CREB3L1: variants seen among roughly 807,000 people sequenced by gnomAD.
CREB3L1 encodes the protein cyclic AMP-responsive element-binding protein 3-like protein 1.
A neutral mutation model predicts 54.5 loss-of-function variants in CREB3L1; 33 were observed. That is an observed-to-expected ratio of 0.61 (90% CI 0.46 to 0.81). CREB3L1 has a LOEUF of 0.81. Among genes scored for constraint, CREB3L1 ranks in the 30% least tolerant of loss-of-function variants. The pLI is 0.00. For synonymous variants in CREB3L1, 284 were observed against 286.4 expected (o/e 0.99, Z 0.08); for missense variants, 656 against 673.3 (o/e 0.97, Z 0.29).
chr11:46,320,677 G>A, intron 11 of CREB3L1, 33 bp from the exon 12 acceptor site: 1 of 1,603,598 alleles, frequency 6.2e-7, no homozygotes, highest in Non-Finnish European at 8.5e-7. Flanking sequence ...GTTCCTGCTG[G>A]ACAGTCATCG....
Position 46,312,285 on chromosome 11 carries a change from G to A in CREB3L1, c.754-40G>A, listed in dbSNP as rs1399631091. 4 of 1,533,822 alleles carry A rather than the reference G, an allele frequency of 2.6e-6. No individual in the cohort carries two copies. In the East Asian group the frequency reaches 7.3e-5, roughly 28 times the overall value. On this transcript the variant is annotated intron_variant, in intron 5 of 11. Coordinates refer to ENST00000621158, the MANE Select transcript of CREB3L1 (RefSeq NM_052854.4). ...TGGCAGAGCTTGAATTTGAACCCAG[G>A]GCTGCCTGGCTCCTAACTACCACAT...
At position 46,311,119 on chromosome 11, in the gene CREB3L1, C is replaced by T; in HGVS notation, c.683C>T (p.Ser228Phe). 6.2e-7 allele frequency: 1 copy of T among 1,607,606 alleles called. No individual in the cohort carries two copies. Among genetic ancestry groups the T allele is most frequent in the Non-Finnish European group, 8.5e-7 (1 of 1,179,262 alleles). ...GSQSPRSLPPSSPVRPMARSS... is the reference protein window; with the variant it reads ...GSQSPRSLPPFSPVRPMARSS... ...CAGAGTCCCCGCTCTCTGCCCCCCT[C>T]CAGCCCTGTCAGGCCCATGGCGCGC... The change falls in exon 5 of 12, where the codon TCC (serine) becomes TTC (phenylalanine). Residue 228 changes from serine to phenylalanine, a missense_variant. Ser to Phe is a radical substitution (Grantham distance 155). Coordinates refer to ENST00000621158, the MANE Select transcript of CREB3L1 (RefSeq NM_052854.4).
chr11:46,314,908 A>C (rs566180367), intron 8 of CREB3L1, among the ~76,000 whole-genome samples: 9 of 151,066 alleles, frequency 6.0e-5, no homozygotes, highest in Non-Finnish European at 8.9e-5. Flanking sequence ...GGGTTTCACT[A>C]TGTTGGCCAG....
At position 46,295,486 on chromosome 11, in the gene CREB3L1, G is replaced by C. The variant is rs553614509; in HGVS notation, c.103-4449G>C. On this transcript the variant is annotated intron_variant, in intron 1 of 11. Coordinates refer to ENST00000621158, the MANE Select transcript of CREB3L1 (RefSeq NM_052854.4). The surrounding 1 kb of genome is among the most constrained non-coding windows in gnomAD (Gnocchi z 4.6). ...TGAGGGGTTTAGGACACCGTGAGAC[G>C]GCCAGGCCATTTCTGCCTCGGCCCC... 6.6e-6 allele frequency among the ~76,000 whole-genome samples: 1 copy of C among 152,310 alleles called. No individual in the cohort carries two copies. Among genetic ancestry groups the C allele is most frequent in the East Asian group, 1.9e-4 (1 of 5,168 alleles).
chr11:46,299,625 C>G (rs1380668104), intron 1 of CREB3L1, among the ~76,000 whole-genome samples: 1 of 152,196 alleles, frequency 6.6e-6, no homozygotes, highest in Non-Finnish European at 1.5e-5. Flanking sequence ...GTCCTGTTGC[C>G]TGGTCCAGGG....
At chr11:46,305,698 G>GTATATA (rs199845915) in intron 2 of CREB3L1, among the ~76,000 whole-genome samples, 2 of 104,576 alleles carry the variant, frequency 1.9e-5, no homozygotes, top group Admixed American at 9.5e-5. Context: ...ATATGTGTGT[G>GTATATA]TGTGTGTGTG....
intron 8 of CREB3L1, chr11:46,315,103 C>A: frequency 4.6e-6 from 1 of 217,434 alleles, no homozygotes; most frequent in Admixed American, 6.0e-5. Flanking sequence ...ATAACCTAGA[C>A]AACAGCCTTG....
intron 1 of CREB3L1, among the ~76,000 whole-genome samples, chr11:46,292,027 G>A (rs554715908): frequency 2.0e-5 from 3 of 152,244 alleles, no homozygotes; most frequent in African/African-American, 7.2e-5. Flanking sequence ...GGGGCCGAGA[G>A]AGCAGCCCTG....
chr11:46,296,870 C>T lies in CREB3L1; in HGVS notation c.103-3065C>T, dbSNP rs550919698. Among the ~76,000 whole-genome samples the T allele has an allele frequency of 5.6e-4, 86 of 152,288 alleles. 1 individual carries two copies. The highest frequency in any genetic ancestry group is 6.8e-3 in the Middle Eastern group (2 of 294). On this transcript the variant is annotated intron_variant, in intron 1 of 11. Transcript: ENST00000621158. ...GTGGGGACTGCTCACACAATGGGGCCAGCTGAGCTCTCTAAGCAGTTTCCT... is the reference window on the plus strand; with the variant it reads ...GTGGGGACTGCTCACACAATGGGGCTAGCTGAGCTCTCTAAGCAGTTTCCT...
intron 4 of CREB3L1, chr11:46,310,786 G>A (rs935583061): frequency 1.1e-5 from 5 of 458,162 alleles, no homozygotes; most frequent in Admixed American, 4.1e-5. Flanking sequence ...TGCCAAGGGC[G>A]AGCTTGTAAA....
In CREB3L1 at chr11:46,311,126, T is replaced by G. The variant is rs774472916; in HGVS notation, c.690T>G (p.Pro230=). ...CCCGCTCTCTGCCCCCCTCCAGCCC[T>G]GTCAGGCCCATGGCGCGCTCCTCCA... The part of the protein sequence containing the change: ...QSPRSLPPSS[P]VRPMARSSTA... Residue 230 remains proline, a synonymous_variant, in exon 5 of 12, where the codon CCT becomes CCG. Transcript: ENST00000621158. 2.5e-6 allele frequency: 4 copies of G among 1,606,702 alleles called. No individual in the cohort carries two copies. The Admixed American group carries it at 6.7e-5, about 27-fold the overall frequency.
intron 8 of CREB3L1, among the ~76,000 whole-genome samples, chr11:46,314,432 G>A (rs1939535848): frequency 6.6e-6 from 1 of 151,962 alleles, no homozygotes; most frequent in Non-Finnish European, 1.5e-5. Flanking sequence ...TGTTGCCCAT[G>A]CTGGAGCGTA....
rs546162479 is a variant in CREB3L1 at position 46,298,665 on chromosome 11, C to T, written c.103-1270C>T. The stretch of plus-strand genomic sequence containing the variant: ...AGTGAGCCAAAATCATGCCACTGCA[C>T]TCCAGCCTGGGTGACAGAGTGAGAC... On this transcript the variant is annotated intron_variant, in intron 1 of 11. Coordinates refer to ENST00000621158, the MANE Select transcript of CREB3L1 (RefSeq NM_052854.4). Among the ~76,000 whole-genome samples the T allele has an allele frequency of 2.0e-5, 3 of 152,274 alleles. No individual in the cohort carries two copies. The South Asian group carries it at 6.2e-4, about 32-fold the overall frequency.
Position 46,295,737 on chromosome 11 carries a change from TC to T in CREB3L1, c.103-4195del, listed in dbSNP as rs1312153342. Among the ~76,000 whole-genome samples, 5 of 152,282 alleles carry T rather than the reference TC, an allele frequency of 3.3e-5. No homozygotes were observed. Among genetic ancestry groups the T allele is most frequent in the South Asian group, 4.2e-4 (2 of 4,814 alleles). ...TCCGGTGAGGGGCGGCCCCGGGTGT[TC>T]CCGGGTTAACCCTTTGTGGGCCGCT... On this transcript the variant is annotated intron_variant, in intron 1 of 11. Transcript: ENST00000621158. This position sits in a 1 kb window ranked among gnomAD's most constrained non-coding sequence, Gnocchi z 4.6.
intron 3 of CREB3L1, 44 bp downstream of exon 3, chr11:46,308,044 G>T: frequency 6.9e-7 from 1 of 1,448,370 alleles, no homozygotes; most frequent in Non-Finnish European, 9.2e-7. Context: ...AGGGAGGAGG[G>T]CTGGTGGGTC....
chr11:46,320,809 C>T lies in CREB3L1; in HGVS notation c.*63C>T, dbSNP rs778101016. On this transcript the variant is annotated 3_prime_UTR_variant, in exon 12 of 12. Transcript: ENST00000621158. ...TACCCAGAAGAGGAGTTCTTGCTCA[C>T]TAACCCGGATCCGCCTCGTGCCCCT... The T allele has an allele frequency of 1.3e-6, 2 of 1,558,954 alleles. No individual in the cohort carries two copies. The highest frequency in any genetic ancestry group is 1.4e-5 in the African/African-American group (1 of 73,442).
chr11:46,316,947 C>T (rs1939575437), intron 9 of CREB3L1, among the ~76,000 whole-genome samples: 1 of 152,132 alleles, frequency 6.6e-6, no homozygotes, highest in Non-Finnish European at 1.5e-5. Context: ...AGTGTGGGCT[C>T]CGTGGCTCTC....
chr11:46,312,872 G>A lies in CREB3L1; in HGVS notation c.984G>A (p.Glu328=), dbSNP rs1367191650. The A allele has an allele frequency of 1.9e-6, 3 of 1,593,008 alleles. No homozygotes were observed. The highest frequency in any genetic ancestry group is 1.1e-5 in the South Asian group (1 of 87,574). The change falls in exon 8 of 12, where the codon GAG becomes GAA. Residue 328 remains glutamate, a synonymous_variant. Coordinates refer to ENST00000621158, the MANE Select transcript of CREB3L1 (RefSeq NM_052854.4). ...ACAGGGTGGAGACATTTACATCTGA[G>A]AACAATGAACTGTGGAAGAAGGTGG... ...LEKKVETFTS[E]NNELWKKVET...
chr11:46,312,604 C>A lies in CREB3L1; in HGVS notation c.904-8C>A. 1 of 1,611,028 alleles carries A rather than the reference C, an allele frequency of 6.2e-7. No homozygotes were observed. The highest frequency in any genetic ancestry group is 8.5e-7 in the Non-Finnish European group (1 of 1,178,564). Reference sequence around the variant, plus strand: ...TGCTAACCCTTGTTTTCGGGCCTCCCCCTCTAGATCTCAGCCCAGGAGAGC... The same window carrying A: ...TGCTAACCCTTGTTTTCGGGCCTCCACCTCTAGATCTCAGCCCAGGAGAGC... On this transcript the variant is annotated splice_region_variant and splice_polypyrimidine_tract_variant and intron_variant, in intron 6 of 11. Transcript: ENST00000621158.
Sources: allele counts gnomAD v4.1 joint callset (sites outside exome capture counted in the v4.1 genomes callset), GRCh38; gene constraint gnomAD v4.1.1; non-coding constraint Gnocchi (gnomAD v3.1); transcripts MANE v1.5; gene names NCBI Gene and HGNC (gene_info 2026-07-23, HGNC 2026-07-21).